ZNF839: variants seen among roughly 807,000 people sequenced by gnomAD.
ZNF839 encodes zinc finger protein 839, also known as renal carcinoma antigen NY-REN-50.
Under a neutral mutation model 56.4 loss-of-function variants are expected in ZNF839, and 38 were observed. The ratio of observed to expected loss-of-function variants is 0.67; its 90% CI spans 0.52 to 0.88. The LOEUF is 0.88. ZNF839 is among the 40% of genes least tolerant of loss of function. ZNF839 has a pLI of 0.00. For missense variants in ZNF839, 1,091 were observed against 1,177.6 expected (o/e 0.93, Z 1.08); for synonymous variants, 486 against 493.5 (o/e 0.98, Z 0.20).
At chr14:102,321,011 G>GT (rs1362341519) in intron 1 of ZNF839, among the ~76,000 whole-genome samples, 2 of 152,322 alleles carry the variant, frequency 1.3e-5, no homozygotes, top group South Asian at 2.1e-4. Context: ...CACTCGTTGA[G>GT]TTTTTTTGAC....
chr14:102,328,020 G>A (rs1486511663), intron 2 of ZNF839, among the ~76,000 whole-genome samples: 4 of 152,000 alleles, frequency 2.6e-5, no homozygotes, highest in Admixed American at 2.6e-4. Flanking sequence ...GGTGTGAGTC[G>A]CTATGAATTT....
intron 7 of ZNF839, among the ~76,000 whole-genome samples, chr14:102,340,595 G>A (rs1172330587): frequency 2.0e-5 from 3 of 152,048 alleles, no homozygotes; most frequent in South Asian, 4.2e-4. Flanking sequence ...TCTTAATTGG[G>A]GCATGTGTTG....
rs1473404298 is a variant in ZNF839, at chr14:102,332,142, C to CT, written c.1416+305dup. Among the ~76,000 whole-genome samples the CT allele has an allele frequency of 6.6e-6, 1 of 151,238 alleles. No individual in the cohort carries two copies. Among genetic ancestry groups the CT allele is most frequent in the Admixed American group, 6.6e-5 (1 of 15,148 alleles). On this transcript the variant is annotated intron_variant, in intron 3 of 7. Transcript: ENST00000442396. The surrounding 1 kb of genome is among the most constrained non-coding windows in gnomAD (Gnocchi z 4.9). ...AACGGAAGTGGTTTTCAAAACCATT[C>CT]TTTTTTTTTAGACGGAGTCTCACAC... is the stretch of plus-strand genomic sequence containing the variant.
chr14:102,326,056 G>C lies in ZNF839; in HGVS notation c.360G>C (p.Pro120=). The C allele has an allele frequency of 1.2e-6, 2 of 1,613,602 alleles. No individual in the cohort carries two copies. Among genetic ancestry groups the C allele is most frequent in the Non-Finnish European group, 8.5e-7 (1 of 1,179,744 alleles). The change falls in exon 2 of 8, where the codon CCG becomes CCC. Residue 120 remains proline (P), a synonymous_variant. Transcript: ENST00000442396. The surrounding 1 kb of genome is among the most constrained non-coding windows in gnomAD (Gnocchi z 4.3). ...GTCAGGAAAGGCCAATGCTCCTACC[G>C]ACCACAATCCAGCCCCAAACTGCAA... ...TKGQERPMLL[P]TTIQPQTARK... is the part of the protein sequence containing the mutation.
chr14:102,329,569 G>C (rs2073662731), intron 2 of ZNF839, among the ~76,000 whole-genome samples: 1 of 151,758 alleles, frequency 6.6e-6, no homozygotes, highest in Non-Finnish European at 1.5e-5. Context: ...ACTTTTAGTA[G>C]AGACGGGGTT....
At chr14:102,319,437 G>C (rs1322000003), upstream of ZNF839, 2 of 215,590 alleles carry the variant, frequency 9.3e-6, no homozygotes, top group East Asian at 1.9e-4. The surrounding 1 kb of genome is among the most constrained non-coding windows in gnomAD (Gnocchi z 4.5). Context: ...AGAACACTTG[G>C]ATATTGTGGT....
rs748699626 is a variant in ZNF839, at chr14:102,341,657, TGGA to T, written c.2264_2266del (p.Gly755del). 1 of 1,613,916 alleles carries T rather than the reference TGGA, an allele frequency of 6.2e-7. No homozygotes were observed. The highest frequency in any genetic ancestry group is 8.5e-7 in the Non-Finnish European group (1 of 1,179,876). On this transcript the variant is annotated inframe_deletion, in exon 8 of 8. Transcript: ENST00000442396. ...TCTGCAGCCCTTTGTCATCTGGTGG[TGGA>T]GCAGAGTCCCTGCCGCCTGGGGGGC... is the stretch of plus-strand genomic sequence containing the variant.
At position 102,319,951 on chromosome 14, in the gene ZNF839, G is replaced by T; in HGVS notation, c.186G>T (p.Leu62=). The T allele has an allele frequency of 8.6e-7, 1 of 1,163,342 alleles. No individual in the cohort carries two copies. The highest frequency in any genetic ancestry group is 1.1e-6 in the Non-Finnish European group (1 of 947,126). The allele number at this position is 1,163,342 out of a possible 1,614,324, so 72.1% of individuals were successfully genotyped here. ...QPPPPPPPFV[L]RDAARRLRDA... is the part of the protein sequence containing the mutation. The stretch of plus-strand genomic sequence containing the variant: ...CGCCGCCGCCGCCCCCCTTCGTGCT[G>T]CGGGACGCGGCGCGGCGGCTGCGGG... The change falls in exon 1 of 8, where the codon CTG becomes CTT. Residue 62 remains leucine, a synonymous_variant. Transcript: ENST00000442396. This position sits in a 1 kb window ranked among gnomAD's most constrained non-coding sequence, Gnocchi z 4.5.
chr14:102,328,578 C>G (rs1324227911), intron 2 of ZNF839, among the ~76,000 whole-genome samples: 1 of 151,458 alleles, frequency 6.6e-6, no homozygotes, highest in African/African-American at 2.4e-5. Context: ...AACTAAAACT[C>G]CGAGCTTCAC....
intron 5 of ZNF839, among the ~76,000 whole-genome samples, chr14:102,338,227 G>A (rs1886059875): frequency 6.6e-6 from 1 of 152,140 alleles, no homozygotes; most frequent in Non-Finnish European, 1.5e-5. Flanking sequence ...TAAAGAGAGT[G>A]TTTTAAATGT....
chr14:102,325,863 C>G, intron 1 of ZNF839, 122 bp from the exon 2 acceptor site: 2 of 1,180,782 alleles, frequency 1.7e-6, no homozygotes, highest in South Asian at 2.9e-5. Flanking sequence ...ATTACATCAA[C>G]TTTTATATGT....
chr14:102,323,979 T>C (rs2073271021), intron 1 of ZNF839, among the ~76,000 whole-genome samples: 1 of 152,266 alleles, frequency 6.6e-6, no homozygotes, highest in Admixed American at 6.5e-5. Context: ...ATATCATTTA[T>C]ATAAAGTTTA....
Position 102,326,488 on chromosome 14 carries a change from T to A in ZNF839, c.792T>A (p.Tyr264Ter). 6.2e-7 allele frequency: 1 copy of A among 1,613,980 alleles called. No homozygotes were observed. Among genetic ancestry groups the A allele is most frequent in the African/African-American group, 1.3e-5 (1 of 75,030 alleles). The change falls in exon 2 of 8, where the codon TAT becomes TAA. Residue 264 changes from tyrosine to a stop codon, truncating the protein, a stop_gained. Coordinates refer to ENST00000442396, the MANE Select transcript of ZNF839 (RefSeq NM_018335.6). LOFTEE classifies it high-confidence loss of function. The surrounding 1 kb of genome is among the most constrained non-coding windows in gnomAD (Gnocchi z 4.3). ...CTCCCAAATATAAAGCTAAAGATTA[T>A]AAGTTCATAAAAACAGAGGATCTGG... ...SRPPKYKAKD[Y>*]KFIKTEDLAD...
intron 2 of ZNF839, among the ~76,000 whole-genome samples, chr14:102,328,397 T>A (rs1172979122): frequency 2.0e-4 from 21 of 104,078 alleles, no homozygotes; most frequent in Non-Finnish European, 2.2e-4. Flanking sequence ...TATATATATA[T>A]ATATATATAT....
intron 6 of ZNF839, 42 bp from the exon 7 acceptor site, chr14:102,339,052 C>T: frequency 2.5e-6 from 4 of 1,613,416 alleles, no homozygotes; most frequent in Non-Finnish European, 2.5e-6. Context: ...AGCGGTTTGC[C>T]TATTCCTTCC....
intron 2 of ZNF839, among the ~76,000 whole-genome samples, chr14:102,331,074 C>T (rs1227379666): frequency 6.6e-6 from 1 of 152,124 alleles, no homozygotes; most frequent in African/African-American, 2.4e-5. Flanking sequence ...TATGGTTACA[C>T]AATTTCGCGA....
rs773008968 is a variant in ZNF839 at position 102,332,196 on chromosome 14, C to T, written c.1416+350C>T. ...CATCCAGGCTGGAGTGCAGTGGTGC[C>T]ATCCCGGCTCACTGTGCTTCTCCAC... On this transcript the variant is annotated intron_variant, in intron 3 of 7. Coordinates refer to ENST00000442396, the MANE Select transcript of ZNF839 (RefSeq NM_018335.6). This position sits in a 1 kb window ranked among gnomAD's most constrained non-coding sequence, Gnocchi z 4.9. Among the ~76,000 whole-genome samples, 2 of 152,026 alleles carry T rather than the reference C, an allele frequency of 1.3e-5. No individual in the cohort carries two copies. The highest frequency in any genetic ancestry group is 2.9e-5 in the Non-Finnish European group (2 of 68,020).
Position 102,341,794 on chromosome 14 carries a change from T to C in ZNF839, c.2399T>C (p.Leu800Pro). ...VLPTEVAAPP[L>P]EKILSVDSVA... is the part of the protein sequence containing the mutation. Reference sequence around the variant, plus strand: ...CCTACAGAGGTGGCAGCCCCTCCGCTTGAGAAAATTTTGTCTGTGGATAGC... The same window carrying C: ...CCTACAGAGGTGGCAGCCCCTCCGCCTGAGAAAATTTTGTCTGTGGATAGC... Residue 800 changes from leucine (L) to proline (P), a missense_variant, in exon 8 of 8, where the codon CTT becomes CCT. This residue lies in a region of ZNF839 where 431 missense variants were observed against 468.0 expected (regional missense o/e 0.92). Coordinates refer to ENST00000442396, the MANE Select transcript of ZNF839 (RefSeq NM_018335.6). 1 of 1,614,022 alleles carries C rather than the reference T, an allele frequency of 6.2e-7. No homozygotes were observed. Among genetic ancestry groups the C allele is most frequent in the Non-Finnish European group, 8.5e-7 (1 of 1,179,888 alleles).
intron 4 of ZNF839, 144 bp downstream of exon 4, chr14:102,334,790 T>C (rs954105396): frequency 1.3e-4 from 45 of 344,758 alleles, no homozygotes; most frequent in Non-Finnish European, 2.2e-4. Flanking sequence ...GTCGCCCAGC[T>C]AGAGTGCAGT....
Sources: gnomAD v4.1 joint callset for allele counts (sites outside exome capture counted in the v4.1 genomes callset) on GRCh38, gnomAD v4.1.1 for gene constraint, gnomAD v4.1.1 regional missense constraint, Gnocchi (gnomAD v3.1) non-coding constraint, MANE v1.5 for transcripts, NCBI Gene and HGNC (gene_info 2026-07-23, HGNC 2026-07-21) for gene names.